Variants in N4BP3 observed in about 807,000 individuals in gnomAD.
N4BP3 encodes the protein NEDD4 binding protein 3.
In N4BP3, 33 loss-of-function variants were observed where a neutral mutation model predicts 43.8. The observed-to-expected ratio is 0.75, with a 90% confidence interval of 0.57 to 1.01. The LOEUF (loss-of-function observed/expected upper bound fraction) is 1.01. Among genes scored for constraint, N4BP3 ranks in the 50% least tolerant of loss-of-function variants. The probability of loss-of-function intolerance (pLI) is 0.00; values close to 1 mark genes in which losing one functional copy is unlikely to be tolerated. For synonymous variants in N4BP3, 326 were observed against 321.9 expected (o/e 1.01, Z -0.14); for missense variants, 756 against 744.2 (o/e 1.02, Z -0.18).
chr5:178,114,084 C>T (rs1757712631), intron 1 of N4BP3, among the ~76,000 whole-genome samples: 1 of 152,022 alleles, frequency 6.6e-6, no homozygotes, highest in African/African-American at 2.4e-5. Context: ...GGGACCCCTG[C>T]GCCACGGCTG....
chr5:178,122,156 C>T lies in N4BP3; in HGVS notation c.*155C>T, dbSNP rs528240958. On this transcript the variant is annotated 3_prime_UTR_variant, in exon 5 of 5. Transcript: ENST00000274605. ...AGGAGGGATCCAGTGGGGCCGTGGG[C>T]TGGGTAGGGTGCCTTGGCAGGAGCC... is the stretch of plus-strand genomic sequence containing the variant. The T allele has an allele frequency of 1.1e-4, 104 of 990,442 alleles. No individual in the cohort carries two copies. In the South Asian group the frequency reaches 1.8e-3, roughly 17 times the overall value. The allele number at this position is 990,442 out of a possible 1,614,324, so 61.4% of individuals were successfully genotyped here. A position where few individuals can be genotyped will look rare whatever the true frequency, so the allele number is the denominator to read the frequency against.
Position 178,120,505 on chromosome 5 carries a change from G to A in N4BP3, c.658G>A (p.Gly220Ser). 1 of 1,613,052 alleles carries A rather than the reference G, an allele frequency of 6.2e-7. No individual in the cohort carries two copies. Among genetic ancestry groups the A allele is most frequent in the Non-Finnish European group, 8.5e-7 (1 of 1,180,024 alleles). The change falls in exon 3 of 5, where the codon GGC (glycine) becomes AGC (serine). Residue 220 changes from glycine to serine, a missense_variant. By Grantham distance (56) the Gly-to-Ser change is moderately conservative. Coordinates refer to ENST00000274605, the MANE Select transcript of N4BP3 (RefSeq NM_015111.2). Reference protein sequence around the residue: ...SSLGHLNHLGGSLDRASQGPK... With the variant: ...SSLGHLNHLGSSLDRASQGPK... ...CCTTGGCCACCTTAACCACCTCGGG[G>A]GCTCCCTGGACCGGGCCTCTCAAGG...
Position 178,121,180 on chromosome 5 carries a change from C to T in N4BP3, c.935C>T (p.Ala312Val). 1 of 1,601,768 alleles carries T rather than the reference C, an allele frequency of 6.2e-7. No individual in the cohort carries two copies. The change falls in exon 4 of 5, where the codon GCT (alanine) becomes GTT (valine). Residue 312 changes from alanine to valine, a missense_variant. Physicochemically the swap from Ala to Val is moderately conservative, Grantham distance 64 (BLOSUM62 0). Transcript: ENST00000274605. ...CGGCTGCACGAGGTGACCCAGAAGGCTGAGCGCAGCGAGCGCAACCTCCAG... is the reference window on the plus strand; with the variant it reads ...CGGCTGCACGAGGTGACCCAGAAGGTTGAGCGCAGCGAGCGCAACCTCCAG... The part of the protein sequence containing the change: ...VERLHEVTQK[A>V]ERSERNLQLQ...
Position 178,113,654 on chromosome 5 carries a change from ACCCGGCACGCAGT to A in N4BP3, c.-141_-129del, listed in dbSNP as rs532580182. The A allele has an allele frequency of 5.3e-4, 80 of 151,720 alleles. No individual in the cohort carries two copies. The highest frequency in any genetic ancestry group is 1.9e-3 in the African/African-American group (77 of 41,366). 9.4% of individuals were successfully genotyped at this position (151,720 alleles called of 1,614,324 possible). A position where few individuals can be genotyped will look rare whatever the true frequency, so the allele number is the denominator to read the frequency against. On this transcript the variant is annotated 5_prime_UTR_variant, in exon 1 of 5. Transcript: ENST00000274605. Reference sequence around the variant, plus strand: ...CGGCGCCTGCCGCTCCGCCGCTCCGACCCGGCACGCAGTCCCGGCCCGAGCCGACGCCTTGCAG... The same window carrying A: ...CGGCGCCTGCCGCTCCGCCGCTCCGACCCGGCCCGAGCCGACGCCTTGCAG...
intron 3 of N4BP3, 144 bp from the exon 4 acceptor site, chr5:178,120,954 G>A: frequency 8.1e-7 from 1 of 1,230,030 alleles, no homozygotes; most frequent in Non-Finnish European, 1.1e-6. Context: ...TCACCCTGGA[G>A]GGCATCCCGG....
In N4BP3 at chr5:178,121,312, C is replaced by T; in HGVS notation, c.1067C>T (p.Ala356Val). The T allele has an allele frequency of 6.2e-7, 1 of 1,604,970 alleles. No homozygotes were observed. Among genetic ancestry groups the T allele is most frequent in the African/African-American group, 1.3e-5 (1 of 74,814 alleles). ...CGGGCCCCCGGCACCCTCCCAGAGG[C>T]TGACCCCAGTGCACGACCAGAGGAG... Reference protein sequence around the residue: ...EPRAPGTLPEADPSARPEEEA... With the variant: ...EPRAPGTLPEVDPSARPEEEA... The change falls in exon 4 of 5, where the codon GCT becomes GTT. Residue 356 changes from alanine to valine, a missense_variant. Physicochemically the swap from Ala to Val is moderately conservative, Grantham distance 64. Coordinates refer to ENST00000274605, the MANE Select transcript of N4BP3 (RefSeq NM_015111.2).
intron 2 of N4BP3, 62 bp from the exon 3 acceptor site, chr5:178,120,116 G>A: frequency 6.6e-7 from 1 of 1,518,252 alleles, no homozygotes; most frequent in East Asian, 2.3e-5. Flanking sequence ...AGAGCATCAG[G>A]AGGTAGAGCA....
Position 178,113,707 on chromosome 5 carries a change from G to C in N4BP3, c.-95G>C, listed in dbSNP as rs1458968118. The C allele has an allele frequency of 6.6e-6, 1 of 151,978 alleles. No individual in the cohort carries two copies. The highest frequency in any genetic ancestry group is 1.9e-4 in the East Asian group (1 of 5,140). 9.4% of individuals were successfully genotyped at this position (151,978 alleles called of 1,614,324 possible). On this transcript the variant is annotated 5_prime_UTR_variant, in exon 1 of 5. Transcript: ENST00000274605. ...ACGCCTTGCAGGAGGGTTCAAATCC[G>C]CGCGGGGGAGCTGCGACGCGCAAGG...
intron 1 of N4BP3, among the ~76,000 whole-genome samples, chr5:178,114,058 C>T (rs1270029416): frequency 1.3e-5 from 2 of 152,012 alleles, no homozygotes; most frequent in African/African-American, 2.4e-5. Flanking sequence ...AACGCGCTTT[C>T]CAGGGAGCAG....
chr5:178,118,928 C>T lies in N4BP3; in HGVS notation c.-30-626C>T, dbSNP rs577875900. Among the ~76,000 whole-genome samples the T allele has an allele frequency of 1.9e-4, 28 of 149,978 alleles. No individual in the cohort carries two copies. The highest frequency in any genetic ancestry group is 5.7e-4 in the African/African-American group (23 of 40,682). ...TCGCCCATGCTGGAGTGCAGTGGTG[C>T]GATCTCGGCTCACTGCAAGCTCTGC... On this transcript the variant is annotated intron_variant, in intron 1 of 4. Coordinates refer to ENST00000274605, the MANE Select transcript of N4BP3 (RefSeq NM_015111.2). The surrounding 1 kb of genome is among the most constrained non-coding windows in gnomAD (Gnocchi z 5.4).
At chr5:178,119,986 G>C (rs1757874223) in intron 2 of N4BP3, 73 bp downstream of exon 2, 11 of 1,471,378 alleles carry the variant, frequency 7.5e-6, no homozygotes, top group Non-Finnish European at 1.0e-5. Flanking sequence ...ATGTTGGGAT[G>C]GGGTGGGGAC....
rs1054900981 is a variant in N4BP3, at chr5:178,123,671, A to G, written c.*1670A>G. ...CTGTGGGGATGGTGTGTTTATGGCC[A>G]TGTAAGTGGCAGGTGTGTGTAAAGA... On this transcript the variant is annotated 3_prime_UTR_variant, in exon 5 of 5. Coordinates refer to ENST00000274605, the MANE Select transcript of N4BP3 (RefSeq NM_015111.2). The G allele has an allele frequency of 2.0e-5, 3 of 152,836 alleles. No homozygotes were observed. Among genetic ancestry groups the G allele is most frequent in the African/African-American group, 4.8e-5 (2 of 41,436 alleles). 9.5% of individuals were successfully genotyped at this position (152,836 alleles called of 1,614,324 possible).
chr5:178,118,383 C>T lies in N4BP3; in HGVS notation c.-30-1171C>T, dbSNP rs1757820700. Among the ~76,000 whole-genome samples the T allele has an allele frequency of 6.6e-6, 1 of 152,222 alleles. No individual in the cohort carries two copies. The highest frequency in any genetic ancestry group is 1.5e-5 in the Non-Finnish European group (1 of 68,044). On this transcript the variant is annotated intron_variant, in intron 1 of 4. Transcript: ENST00000274605. This position sits in a 1 kb window ranked among gnomAD's most constrained non-coding sequence, Gnocchi z 5.4. ...GCATCCCAGTGATAAGTGTTATTGTCGCCAGGGTGTGTGTGCGGAAGTCCA... is the reference window on the plus strand; with the variant it reads ...GCATCCCAGTGATAAGTGTTATTGTTGCCAGGGTGTGTGTGCGGAAGTCCA...
chr5:178,121,279 C>A lies in N4BP3; in HGVS notation c.1034C>A (p.Pro345Gln), dbSNP rs767083843. 2.7e-5 allele frequency: 43 copies of A among 1,605,840 alleles called. No individual in the cohort carries two copies. Among genetic ancestry groups the A allele is most frequent in the Non-Finnish European group, 3.5e-5 (41 of 1,175,734 alleles). The change falls in exon 4 of 5, where the codon CCG becomes CAG. Residue 345 changes from proline to glutamine, a missense_variant. Physicochemically the swap from Pro to Gln is moderately conservative, Grantham distance 76. Transcript: ENST00000274605. ...CTGCGGGCTCAGCAGGGCCTGGCTC[C>A]GGAGCCTCGGGCCCCCGGCACCCTC... ...KELRAQQGLA[P>Q]EPRAPGTLPE...
chr5:178,116,661 G>A (rs1189360878), intron 1 of N4BP3, among the ~76,000 whole-genome samples: 3 of 152,224 alleles, frequency 2.0e-5, no homozygotes, highest in South Asian at 2.1e-4. Flanking sequence ...GTGGCACACC[G>A]TGGCGTGTGT....
chr5:178,126,318 A>G (rs1406193251), downstream of N4BP3, among the ~76,000 whole-genome samples: 1 of 152,164 alleles, frequency 6.6e-6, no homozygotes, highest in East Asian at 1.9e-4. Flanking sequence ...AGCTGAGACT[A>G]CAGGCGCCTG....
chr5:178,113,825 A>AGGGGGGGGGGGGGGG (rs1757705358), intron 1 of N4BP3, 54 bp downstream of exon 1: 1 of 31,276 alleles, frequency 3.2e-5, no homozygotes, highest in African/African-American at 1.2e-4. Context: ...GGGGGTGGGG[A>AGGGGGGGGGGGGGGG]GGGGTGGGGC....
At chr5:178,114,207 C>G (rs1284550000) in intron 1 of N4BP3, among the ~76,000 whole-genome samples, 1 of 152,202 alleles carries the variant, frequency 6.6e-6, no homozygotes, top group Admixed American at 6.5e-5. Flanking sequence ...TCCCACCCCG[C>G]CCCCCAGGTA....
At position 178,120,414 on chromosome 5, in the gene N4BP3, C is replaced by G. The variant is rs142597348; in HGVS notation, c.567C>G (p.Ser189=). Residue 189 remains serine (S), a synonymous_variant, in exon 3 of 5, where the codon TCC becomes TCG. Transcript: ENST00000274605. ...GCCCTGAGCCCGAGCCCAGCCTGTC[C>G]GACTCCTCCAGTGGGGGTAGTTTTG... ...EGGPEPEPSL[S]DSSSGGSFGR... 11 of 1,612,986 alleles carry G rather than the reference C, an allele frequency of 6.8e-6. No individual in the cohort carries two copies. In the South Asian group the frequency reaches 1.2e-4, roughly 18 times the overall value.
Sources: allele counts gnomAD v4.1 joint callset (sites outside exome capture counted in the v4.1 genomes callset), GRCh38; gene constraint gnomAD v4.1.1; non-coding constraint Gnocchi (gnomAD v3.1); transcripts MANE v1.5; gene names NCBI Gene and HGNC (gene_info 2026-07-23, HGNC 2026-07-21).